PCDH7: variants seen among roughly 807,000 people sequenced by gnomAD.
PCDH7 encodes the protein protocadherin-7.
Under a neutral mutation model 58.9 loss-of-function variants are expected in PCDH7, and 17 were observed. The observed-to-expected ratio is 0.29, with a 90% CI of 0.20 to 0.43. The LOEUF is 0.43. PCDH7 is among the 20% of genes least tolerant of loss of function. The pLI is 1.00. For synonymous variants in PCDH7, 664 were observed against 616.4 expected (o/e 1.08, Z -1.14); for missense variants, 1,274 against 1,441.0 (o/e 0.88, Z 1.88).
chr4:31,137,194 A>G (rs777478161), intron 3 of PCDH7, among the ~76,000 whole-genome samples: 11 of 152,236 alleles, frequency 7.2e-5, no homozygotes, highest in Non-Finnish European at 1.6e-4. Context: ...GTCAAGAAAC[A>G]TAGAAAGAAA....
intron 2 of PCDH7, among the ~76,000 whole-genome samples, chr4:30,945,627 G>T (rs1484732141): frequency 5.3e-5 from 8 of 151,276 alleles, no homozygotes; most frequent in African/African-American, 1.9e-4. Flanking sequence ...TTTTTTTAAT[G>T]TGGTCTCATT....
At chr4:31,091,218 A>C (rs536102762) in intron 3 of PCDH7, among the ~76,000 whole-genome samples, 4 of 151,968 alleles carry the variant, frequency 2.6e-5, no homozygotes, top group Non-Finnish European at 5.9e-5. Flanking sequence ...TGATAGATGC[A>C]TCCAAACCTA....
chr4:30,821,598 C>T (rs762125343), intron 1 of PCDH7, among the ~76,000 whole-genome samples: 3 of 152,164 alleles, frequency 2.0e-5, no homozygotes, highest in African/African-American at 4.8e-5. Flanking sequence ...GGCCTGAAAT[C>T]GGTATAAGGC....
intron 3 of PCDH7, among the ~76,000 whole-genome samples, chr4:30,982,860 G>T (rs1045950513): frequency 6.6e-6 from 1 of 152,180 alleles, no homozygotes; most frequent in Non-Finnish European, 1.5e-5. Flanking sequence ...GTACTGCAGA[G>T]TTGGGGAGGA....
At chr4:31,129,354 A>G (rs556151148) in intron 3 of PCDH7, among the ~76,000 whole-genome samples, 2 of 152,302 alleles carry the variant, frequency 1.3e-5, no homozygotes, top group East Asian at 1.9e-4. Flanking sequence ...TGAAGGACTC[A>G]TGAGAGACAG....
intron 3 of PCDH7, among the ~76,000 whole-genome samples, chr4:30,994,592 C>T (rs1285795396): frequency 6.6e-6 from 1 of 152,126 alleles, no homozygotes; most frequent in Non-Finnish European, 1.5e-5. Context: ...TATGTAAATA[C>T]TTCAAACTTC....
chr4:31,046,226 A>T (rs1160079755), intron 3 of PCDH7, among the ~76,000 whole-genome samples: 1 of 151,560 alleles, frequency 6.6e-6, no homozygotes, highest in African/African-American at 2.4e-5. Flanking sequence ...CTTAACCATA[A>T]TTTTTCCCTT....
chr4:31,023,462 T>C (rs1754186184), intron 3 of PCDH7, among the ~76,000 whole-genome samples: 1 of 152,230 alleles, frequency 6.6e-6, no homozygotes. Flanking sequence ...GCTCTCTCTC[T>C]AATTTAGCAG....
intron 3 of PCDH7, among the ~76,000 whole-genome samples, chr4:30,990,234 C>T (rs2055242817): frequency 6.6e-6 from 1 of 151,724 alleles, no homozygotes; most frequent in Non-Finnish European, 1.5e-5. Context: ...ATGATAGCCT[C>T]AAAGAAATTG....
At chr4:31,084,068 GTAAT>G (rs960996301) in intron 3 of PCDH7, among the ~76,000 whole-genome samples, 115 of 152,224 alleles carry the variant, frequency 7.6e-4, no homozygotes, top group African/African-American at 2.7e-3. Flanking sequence ...CTATTATTCA[GTAAT>G]TAAACTTATA....
At chr4:31,017,252 C>T (rs959000074) in intron 3 of PCDH7, among the ~76,000 whole-genome samples, 3 of 152,092 alleles carry the variant, frequency 2.0e-5, no homozygotes, top group African/African-American at 7.2e-5. Flanking sequence ...TAACATAAGA[C>T]ATAATTTATG....
intron 3 of PCDH7, among the ~76,000 whole-genome samples, chr4:31,122,850 T>C (rs527337000): frequency 6.6e-6 from 1 of 152,108 alleles, no homozygotes; most frequent in South Asian, 2.1e-4. Flanking sequence ...GTTAAGTAGA[T>C]GACAGAGTAC....
At chr4:30,759,117 C>CT (rs1254419275) in intron 1 of PCDH7, among the ~76,000 whole-genome samples, 1 of 151,460 alleles carries the variant, frequency 6.6e-6, no homozygotes, top group Non-Finnish European at 1.5e-5. Flanking sequence ...AATTTTTGTC[C>CT]TTTTAGTAAA....
chr4:30,973,846 CA>C (rs1749814889), intron 3 of PCDH7, among the ~76,000 whole-genome samples: 1 of 149,376 alleles, frequency 6.7e-6, no homozygotes, highest in African/African-American at 2.5e-5. Flanking sequence ...TACTTTCTTT[CA>C]AAAAAGAAAA....
In PCDH7 at chr4:31,022,600, T is replaced by C. The variant is rs146947112; in HGVS notation, c.*7+72385T>C. Among the ~76,000 whole-genome samples, 5 of 152,288 alleles carry C rather than the reference T, an allele frequency of 3.3e-5. No individual in the cohort carries two copies. The East Asian group carries it at 7.7e-4, about 23-fold the overall frequency. On this transcript the variant is annotated intron_variant, in intron 3 of 3. Transcript: ENST00000509759. Reference sequence around the variant, plus strand: ...TGTCAAAAAGAGATTTTAACCCAGGTATTGCAAGTGTAAATCATATTTATC... The same window carrying C: ...TGTCAAAAAGAGATTTTAACCCAGGCATTGCAAGTGTAAATCATATTTATC...
At chr4:30,860,273 GGA>G (rs1461791338) in intron 1 of PCDH7, among the ~76,000 whole-genome samples, 2 of 152,212 alleles carry the variant, frequency 1.3e-5, no homozygotes, top group South Asian at 2.1e-4. Flanking sequence ...GGTCTAAAAA[GGA>G]GAGTTTCCTA....
chr4:30,796,239 A>G (rs28688130), intron 1 of PCDH7, among the ~76,000 whole-genome samples: 1,845 of 152,286 alleles, frequency 0.012, 38 homozygotes, highest in African/African-American at 0.042. Flanking sequence ...GGTTTTTCAA[A>G]GATATATTAC....
At chr4:31,024,528 GA>G (rs1378761308) in intron 3 of PCDH7, among the ~76,000 whole-genome samples, 3 of 152,072 alleles carry the variant, frequency 2.0e-5, no homozygotes, top group Non-Finnish European at 4.4e-5. Flanking sequence ...ATAAATATTA[GA>G]ATCAGTACCA....
intron 2 of PCDH7, among the ~76,000 whole-genome samples, chr4:30,946,964 G>A (rs1253895946): frequency 1.3e-5 from 2 of 151,814 alleles, no homozygotes; most frequent in Non-Finnish European, 2.9e-5. Flanking sequence ...TGCCCACCTC[G>A]GCCTCCCAAA....
Sources: allele counts gnomAD v4.1 joint callset (sites outside exome capture counted in the v4.1 genomes callset), GRCh38; gene constraint gnomAD v4.1.1; transcripts MANE v1.5; gene names NCBI Gene and HGNC (gene_info 2026-07-23, HGNC 2026-07-21).